BCAT1: variants seen among roughly 807,000 people sequenced by gnomAD.
The protein encoded by BCAT1 is branched-chain-amino-acid aminotransferase, cytosolic.
A neutral mutation model predicts 52.4 loss-of-function variants in BCAT1; 48 were observed. The observed-to-expected ratio is 0.92, with a 90% CI of 0.73 to 1.16. BCAT1 has a LOEUF of 1.16. Among genes scored for constraint, BCAT1 ranks in the 50% most tolerant of loss-of-function variants. The pLI, the probability that BCAT1 is intolerant of heterozygous loss-of-function variation, is 0.00. For synonymous variants in BCAT1, 167 were observed against 161.3 expected, an observed-to-expected ratio of 1.04 and a Z score of -0.27; for missense variants, 451 against 457.1, an observed-to-expected ratio of 0.99 and a Z score of 0.12.
At chr12:24,896,919 T>C (rs968812955) in intron 2 of BCAT1, among the ~76,000 whole-genome samples, 8 of 152,246 alleles carry the variant, frequency 5.3e-5, no homozygotes. Context: ...GTCTGGCTGC[T>C]TTCAGATACA....
chr12:24,896,780 G>A (rs1159853978), intron 2 of BCAT1, among the ~76,000 whole-genome samples: 1 of 152,002 alleles, frequency 6.6e-6, no homozygotes. Flanking sequence ...AAAAAAGAAA[G>A]AAAGTTTAGC....
chr12:24,898,584 C>T (rs1420595403), intron 2 of BCAT1, among the ~76,000 whole-genome samples: 1 of 125,164 alleles, frequency 8.0e-6, no homozygotes, highest in African/African-American at 3.1e-5. Flanking sequence ...GGCACAATCT[C>T]GGCTCGCTGC....
At chr12:24,880,882 C>G (rs1278840516) in intron 4 of BCAT1, among the ~76,000 whole-genome samples, 2 of 150,466 alleles carry the variant, frequency 1.3e-5, no homozygotes, top group Non-Finnish European at 2.9e-5. Flanking sequence ...GCGGCTTAGG[C>G]TGGAGGGCAG....
At chr12:24,839,274 A>T (rs1941099412) in intron 7 of BCAT1, among the ~76,000 whole-genome samples, 1 of 152,154 alleles carries the variant, frequency 6.6e-6, no homozygotes, top group Non-Finnish European at 1.5e-5. Context: ...GATTTGGAGG[A>T]TGTCAAAGAG....
At chr12:24,866,277 C>T (rs1052693410) in intron 5 of BCAT1, among the ~76,000 whole-genome samples, 10 of 152,354 alleles carry the variant, frequency 6.6e-5, no homozygotes, top group South Asian at 6.2e-4. Context: ...ACCGGCGCCG[C>T]GCTAGATTTC....
intron 5 of BCAT1, among the ~76,000 whole-genome samples, chr12:24,870,520 G>A (rs1378977827): frequency 6.6e-6 from 1 of 152,190 alleles, no homozygotes; most frequent in Non-Finnish European, 1.5e-5. Context: ...TCATTTAGTG[G>A]GTTTATATTA....
chr12:24,824,640 A>C (rs1239401948), intron 10 of BCAT1, among the ~76,000 whole-genome samples: 1 of 152,166 alleles, frequency 6.6e-6, no homozygotes, highest in African/African-American at 2.4e-5. Flanking sequence ...GGTAACCCTG[A>C]AATCTTATTT....
At chr12:24,826,578 C>G (rs1940407940) in intron 10 of BCAT1, among the ~76,000 whole-genome samples, 1 of 152,084 alleles carries the variant, frequency 6.6e-6, no homozygotes, top group Non-Finnish European at 1.5e-5. Flanking sequence ...TGTGGTGATT[C>G]TAACTTTGTT....
chr12:24,933,624 A>G (rs966960467), intron 1 of BCAT1, among the ~76,000 whole-genome samples: 2 of 152,248 alleles, frequency 1.3e-5, no homozygotes, highest in East Asian at 3.9e-4. Context: ...ATAGTGAGTG[A>G]GTTCTCACTT....
At chr12:24,879,694 A>G (rs952111477) in intron 4 of BCAT1, among the ~76,000 whole-genome samples, 1 of 152,226 alleles carries the variant, frequency 6.6e-6, no homozygotes, top group African/African-American at 2.4e-5. Context: ...GAACTTGACC[A>G]GGAATAAAAA....
In BCAT1 at chr12:24,887,061, T is replaced by TAAAAAAAAAAAAAAAAAAA. The variant is rs1171691492; in HGVS notation, c.280-5669_280-5651dup. On this transcript the variant is annotated intron_variant, in intron 3 of 10. Coordinates refer to ENST00000261192, the MANE Select transcript of BCAT1 (RefSeq NM_005504.7). ...CTGGAAGAACGAGAGAGATGCTAGCTAAAAAAAAAAAAAAAAAAAATATAT... is the reference window on the plus strand; with the variant it reads ...CTGGAAGAACGAGAGAGATGCTAGCTAAAAAAAAAAAAAAAAAAAAAAAAAAAAAAAAAAAAAAATATAT... Among the ~76,000 whole-genome samples, 2 of 7,590 alleles carry TAAAAAAAAAAAAAAAAAAA rather than the reference T, an allele frequency of 2.6e-4. 1 individual carries two copies. The highest frequency in any genetic ancestry group is 5.3e-3 in the Admixed American group (2 of 378). The allele number at this position is 7,590 out of a possible 152,430, so 5.0% of individuals were successfully genotyped here. A position where few individuals can be genotyped will look rare whatever the true frequency, so the allele number is the denominator to read the frequency against.
chr12:24,932,975 C>T (rs1591887150), intron 1 of BCAT1, among the ~76,000 whole-genome samples: 1 of 152,060 alleles, frequency 6.6e-6, no homozygotes, highest in South Asian at 2.1e-4. Flanking sequence ...CCACACTTGG[C>T]TAATTTTTGT....
At chr12:24,911,433 C>A (rs1001035480) in intron 1 of BCAT1, among the ~76,000 whole-genome samples, 1 of 152,216 alleles carries the variant, frequency 6.6e-6, no homozygotes, top group Non-Finnish European at 1.5e-5. Flanking sequence ...CCCCTCAGGA[C>A]CCTGCTCGAA....
At position 24,814,571 on chromosome 12, in the gene BCAT1, T is replaced by A. The variant is rs1444081180; in HGVS notation, c.*3437A>T. The A allele has an allele frequency of 6.6e-6, 1 of 152,158 alleles. No homozygotes were observed. The highest frequency in any genetic ancestry group is 1.5e-5 in the Non-Finnish European group (1 of 68,006). 9.4% of individuals were successfully genotyped at this position (152,158 alleles called of 1,614,324 possible). A position where few individuals can be genotyped will look rare whatever the true frequency, so the allele number is the denominator to read the frequency against. On this transcript the variant is annotated 3_prime_UTR_variant, in exon 11 of 11. Coordinates refer to ENST00000261192, the MANE Select transcript of BCAT1 (RefSeq NM_005504.7). ...AAAAAGCTCCAACAATTCTTTTGAC[T>A]AAGATATACTCATTAATTGCCTCCA...
chr12:24,939,903 A>G (rs985146919), intron 1 of BCAT1, among the ~76,000 whole-genome samples: 1 of 152,224 alleles, frequency 6.6e-6, no homozygotes, highest in Non-Finnish European at 1.5e-5. Context: ...TTTTCTTGAT[A>G]ATGACTCTGG....
At chr12:24,834,080 A>C (rs1940818903) in intron 8 of BCAT1, 2 of 910,918 alleles carry the variant, frequency 2.2e-6, no homozygotes, top group South Asian at 1.0e-4. Context: ...AGCCTCCCAA[A>C]GTGCCAAAGT....
rs766983814 is a variant in BCAT1, at chr12:24,881,386, C to T, written c.305G>A (p.Arg102Gln). Residue 102 changes from arginine to glutamine, a missense_variant, in exon 4 of 11, where the codon CGA becomes CAA. Arg to Gln is a conservative substitution (Grantham distance 43). Transcript: ENST00000261192. ...CAGTCGAATTTTATTATCTACTCCTCGAAATGCCTTCAATCCTTCAAATAA... is the reference window on the plus strand; with the variant it reads ...CAGTCGAATTTTATTATCTACTCCTTGAAATGCCTTCAATCCTTCAAATAA... ...VELFEGLKAF[R>Q]GVDNKIRLFQ... is the part of the protein sequence containing the mutation. 42 of 1,611,824 alleles carry T rather than the reference C, an allele frequency of 2.6e-5. 1 individual carries two copies. The highest frequency in any genetic ancestry group is 2.4e-4 in the South Asian group (22 of 91,032).
chr12:24,881,023 T>C (rs1034570665), intron 4 of BCAT1, among the ~76,000 whole-genome samples: 2 of 152,122 alleles, frequency 1.3e-5, no homozygotes, highest in Non-Finnish European at 2.9e-5. Flanking sequence ...TTTGCAGAGA[T>C]GGTGTTTCAC....
chr12:24,818,628 G>GT (rs1177264619), intron 10 of BCAT1, among the ~76,000 whole-genome samples: 1 of 152,144 alleles, frequency 6.6e-6, no homozygotes, highest in Non-Finnish European at 1.5e-5. Context: ...AAAATATGAA[G>GT]TTGACAAGTC....
Sources: gnomAD v4.1 joint callset for allele counts (sites outside exome capture counted in the v4.1 genomes callset) on GRCh38, gnomAD v4.1.1 for gene constraint, MANE v1.5 for transcripts, NCBI Gene and HGNC (gene_info 2026-07-23, HGNC 2026-07-21) for gene names.